The following AGBL1 variants were observed in gnomAD, a reference collection of about 807,000 sequenced individuals.
AGBL1 encodes AGBL carboxypeptidase 1.
AGBL1 carries 130 observed loss-of-function variants against 118.9 expected under a neutral mutation model. That is an observed-to-expected ratio of 1.09 (90% CI 0.95 to 1.26). AGBL1 has a LOEUF of 1.26. Ranked by LOEUF, AGBL1 falls within the 50% of genes most tolerant of loss-of-function variation. The pLI, the probability that AGBL1 is intolerant of heterozygous loss-of-function variation, is 0.00. For synonymous variants in AGBL1, 555 were observed against 478.9 expected, an observed-to-expected ratio of 1.16 and a Z score of -2.08; for missense variants, 1,584 against 1,298.1, an observed-to-expected ratio of 1.22 and a Z score of -3.38.
chr15:86,744,007 A>G (rs2077719074), intron 22 of AGBL1, among the ~76,000 whole-genome samples: 2 of 152,156 alleles, frequency 1.3e-5, no homozygotes, highest in African/African-American at 2.4e-5. Flanking sequence ...TTTTAGAACA[A>G]TGCCATCTTA....
At chr15:86,657,010 G>A (rs2085470855) in intron 21 of AGBL1, among the ~76,000 whole-genome samples, 1 of 152,096 alleles carries the variant, frequency 6.6e-6, no homozygotes, top group Admixed American at 6.6e-5. Context: ...TCTTGCCTCA[G>A]CCATGTTGGT....
At chr15:86,213,757 A>G (rs987735904) in intron 5 of AGBL1, among the ~76,000 whole-genome samples, 62 of 152,204 alleles carry the variant, frequency 4.1e-4, no homozygotes, top group African/African-American at 1.5e-3. Flanking sequence ...TTTTATTATA[A>G]AAGATACATA....
intron 21 of AGBL1, among the ~76,000 whole-genome samples, chr15:86,646,378 A>G (rs558961426): frequency 6.6e-6 from 1 of 152,280 alleles, no homozygotes; most frequent in East Asian, 1.9e-4. Flanking sequence ...TAGACCCTAG[A>G]CAGTCCTTCT....
chr15:86,671,843 A>C (rs1374447971), intron 21 of AGBL1, among the ~76,000 whole-genome samples: 1 of 152,194 alleles, frequency 6.6e-6, no homozygotes. Context: ...CATTTATCAC[A>C]TACTGAGGAT....
intron 22 of AGBL1, among the ~76,000 whole-genome samples, chr15:86,714,375 G>A (rs1000500907): frequency 2.0e-5 from 3 of 152,132 alleles, no homozygotes; most frequent in Admixed American, 1.3e-4. Flanking sequence ...GCACAGCAAA[G>A]ACTCAAACAG....
downstream of AGBL1, among the ~76,000 whole-genome samples, chr15:86,917,790 GAA>G (rs2080442977): frequency 1.5e-5 from 1 of 68,276 alleles, no homozygotes; most frequent in East Asian, 2.8e-4. The surrounding 1 kb of genome is among the most constrained non-coding windows in gnomAD (Gnocchi z 4.8). Context: ...GAGAGAGAGA[GAA>G]GAGAGAGGAT....
chr15:86,882,652 C>T (rs2079912535), intron 22 of AGBL1, among the ~76,000 whole-genome samples: 1 of 152,274 alleles, frequency 6.6e-6, no homozygotes, highest in East Asian at 1.9e-4. Context: ...CTACTAAGTT[C>T]TCCATGGAGT....
chr15:86,533,967 T>A (rs1350059033), intron 19 of AGBL1, among the ~76,000 whole-genome samples: 2 of 49,712 alleles, frequency 4.0e-5, no homozygotes, highest in Non-Finnish European at 7.4e-5. Flanking sequence ...TGTGGTGGGG[T>A]GGGGGGAGGG....
chr15:86,136,368 T>C (rs1336498921), intron 1 of AGBL1, among the ~76,000 whole-genome samples: 1 of 152,222 alleles, frequency 6.6e-6, no homozygotes, highest in African/African-American at 2.4e-5. Flanking sequence ...CAAATAATTC[T>C]GTTCTTGGAG....
intron 1 of AGBL1, among the ~76,000 whole-genome samples, chr15:86,104,742 G>A (rs975994550): frequency 2.0e-5 from 3 of 152,226 alleles, no homozygotes; most frequent in African/African-American, 7.2e-5. Flanking sequence ...GCAGTCTGGT[G>A]AGGGCTGGGC....
chr15:86,774,528 A>G (rs904225441), intron 22 of AGBL1, among the ~76,000 whole-genome samples: 4 of 152,054 alleles, frequency 2.6e-5, no homozygotes, highest in Non-Finnish European at 5.9e-5. Context: ...CTTAAAATCT[A>G]TGGGAATAAA....
chr15:86,374,937 A>G (rs1215725326), intron 17 of AGBL1, among the ~76,000 whole-genome samples: 1 of 152,230 alleles, frequency 6.6e-6, no homozygotes. Context: ...ATTTGGGTCA[A>G]AACAACCACA....
chr15:86,704,262 G>C (rs1395626715), intron 22 of AGBL1, among the ~76,000 whole-genome samples: 2 of 152,110 alleles, frequency 1.3e-5, no homozygotes, highest in Admixed American at 1.3e-4. Context: ...AAAAGCAATT[G>C]CAACAAAAGG....
chr15:86,957,125 C>T (rs567209180), intron 23 of AGBL1, among the ~76,000 whole-genome samples: 11 of 152,030 alleles, frequency 7.2e-5, no homozygotes, highest in East Asian at 3.9e-4. Flanking sequence ...CCATTCTGTG[C>T]GTGTGGGATC....
chr15:86,500,480 A>G (rs2082905232), intron 18 of AGBL1, among the ~76,000 whole-genome samples: 1 of 151,508 alleles, frequency 6.6e-6, no homozygotes, highest in South Asian at 2.1e-4. Context: ...TGTAGTTTTC[A>G]TAATGTTTGC....
intron 22 of AGBL1, among the ~76,000 whole-genome samples, chr15:86,768,661 C>T (rs564458444): frequency 2.0e-4 from 31 of 152,046 alleles, no homozygotes; most frequent in African/African-American, 6.3e-4. Context: ...CACATCAAGT[C>T]ACTATCTACC....
At chr15:86,981,766 A>T (rs1302546994) in intron 23 of AGBL1, among the ~76,000 whole-genome samples, 1 of 152,300 alleles carries the variant, frequency 6.6e-6, no homozygotes, top group African/African-American at 2.4e-5. Context: ...AGGCCCAGAA[A>T]AATGAAAGTT....
rs1014786879 is a variant in AGBL1 at position 86,124,970 on chromosome 15, A to G, written c.52-17034A>G. Among the ~76,000 whole-genome samples, 3 of 152,202 alleles carry G rather than the reference A, an allele frequency of 2.0e-5. No individual in the cohort carries two copies. The South Asian group carries it at 6.2e-4, about 31-fold the overall frequency. On this transcript the variant is annotated intron_variant, in intron 1 of 22. Transcript: ENST00000614907. ...AGGAATTAATAAAAAGGGGTTTTAG[A>G]ATTAAGTTGTTCAAATATCTCTCCA...
At chr15:86,745,306 A>G (rs1378945627) in intron 22 of AGBL1, among the ~76,000 whole-genome samples, 1 of 152,084 alleles carries the variant, frequency 6.6e-6, no homozygotes, top group Non-Finnish European at 1.5e-5. Flanking sequence ...CATTTAAAAA[A>G]TGGGAATATA....
Sources: allele counts gnomAD v4.1 joint callset (sites outside exome capture counted in the v4.1 genomes callset), GRCh38; gene constraint gnomAD v4.1.1; non-coding constraint Gnocchi (gnomAD v3.1); transcripts MANE v1.5; gene names NCBI Gene and HGNC (gene_info 2026-07-23, HGNC 2026-07-21).